The following MAML3 variants were observed in gnomAD, a reference collection of about 807,000 sequenced individuals.
MAML3 encodes mastermind-like protein 3.
MAML3 carries 27 observed loss-of-function variants against 101.9 expected under a neutral mutation model. The observed-to-expected ratio is 0.27, with a 90% CI of 0.20 to 0.37. The LOEUF is 0.37. Ranked by LOEUF, MAML3 falls within the 10% of genes least tolerant of loss-of-function variation. The pLI is 1.00. For synonymous variants in MAML3, 501 were observed against 555.9 expected (o/e 0.90, Z 1.39); for missense variants, 1,316 against 1,444.9 (o/e 0.91, Z 1.45).
At chr4:140,136,829 A>C (rs1320174405) in intron 1 of MAML3, among the ~76,000 whole-genome samples, 10 of 152,196 alleles carry the variant, frequency 6.6e-5, no homozygotes, top group Non-Finnish European at 8.8e-5. Flanking sequence ...AAAAATGATA[A>C]ACAATGATGC....
intron 2 of MAML3, among the ~76,000 whole-genome samples, chr4:139,865,874 T>C (rs1182816185): frequency 6.6e-6 from 1 of 152,268 alleles, no homozygotes; most frequent in African/African-American, 2.4e-5. Flanking sequence ...ATTCTTTGGA[T>C]ACCCGGAGCC....
intron 1 of MAML3, among the ~76,000 whole-genome samples, chr4:140,083,940 A>ACG (rs1578676295): frequency 4.7e-5 from 1 of 21,338 alleles, no homozygotes; most frequent in East Asian, 2.2e-3. Context: ...GCGCACACAC[A>ACG]CACACACACA....
chr4:139,719,520 T>G lies in MAML3; in HGVS notation c.3220A>C (p.Ser1074Arg). ...PPAQQQIPSG[S>R]FAPSSQSQAY... ...TGGCTCTGGCTGCTTGGAGCAAAGCTGCCACTGGGTATCTGCTGCTGTGCT... is the reference window on the plus strand; with the variant it reads ...TGGCTCTGGCTGCTTGGAGCAAAGCGGCCACTGGGTATCTGCTGCTGTGCT... The change falls in exon 5 of 5, where the codon AGC becomes CGC. Residue 1074 changes from serine (S) to arginine (R), a missense_variant. Ser to Arg is a moderately radical substitution (Grantham distance 110). Transcript: ENST00000509479. 6.2e-7 allele frequency: 1 copy of G among 1,613,958 alleles called. No homozygotes were observed. The highest frequency in any genetic ancestry group is 8.5e-7 in the Non-Finnish European group (1 of 1,179,838).
chr4:139,730,011 T>C (rs1728636692), intron 3 of MAML3, among the ~76,000 whole-genome samples: 1 of 152,222 alleles, frequency 6.6e-6, no homozygotes, highest in Non-Finnish European at 1.5e-5. Context: ...GTCAATTTCC[T>C]CTAAGAAACA....
At chr4:140,088,521 A>G (rs1379518362) in intron 1 of MAML3, among the ~76,000 whole-genome samples, 1 of 152,128 alleles carries the variant, frequency 6.6e-6, no homozygotes, top group African/African-American at 2.4e-5. Flanking sequence ...TGCCCAGACT[A>G]GCAAACTCAT....
chr4:139,733,726 C>G (rs1249637446), intron 2 of MAML3, among the ~76,000 whole-genome samples: 1 of 152,118 alleles, frequency 6.6e-6, no homozygotes, highest in African/African-American at 2.4e-5. Context: ...ACTCCGTTGC[C>G]CAGGCTGGGG....
At chr4:139,800,896 GC>G (rs1240595418) in intron 2 of MAML3, among the ~76,000 whole-genome samples, 1 of 152,202 alleles carries the variant, frequency 6.6e-6, no homozygotes, top group African/African-American at 2.4e-5. Flanking sequence ...GATGTTTCTG[GC>G]CCTTATTTGC....
chr4:139,890,994 A>G lies in MAML3; in HGVS notation c.469-27T>C, dbSNP rs746458054. On this transcript the variant is annotated intron_variant, in intron 1 of 4. Transcript: ENST00000509479. This position sits in a 1 kb window ranked among gnomAD's most constrained non-coding sequence, Gnocchi z 4.1. ...TGGAAAAGAAACAGGAAAGAGGATGACTAAACCTCCAAGTCATATTTTACT... is the reference window on the plus strand; with the variant it reads ...TGGAAAAGAAACAGGAAAGAGGATGGCTAAACCTCCAAGTCATATTTTACT... 6.3e-7 allele frequency: 1 copy of G among 1,596,156 alleles called. No homozygotes were observed. The highest frequency in any genetic ancestry group is 8.5e-7 in the Non-Finnish European group (1 of 1,170,058).
chr4:140,118,609 C>T (rs1728553494), intron 1 of MAML3, among the ~76,000 whole-genome samples: 2 of 152,104 alleles, frequency 1.3e-5, no homozygotes, highest in African/African-American at 4.8e-5. Flanking sequence ...CTTTGGGAGG[C>T]GAAGGCAGGA....
chr4:140,107,600 G>T (rs1728373698), intron 1 of MAML3, among the ~76,000 whole-genome samples: 1 of 151,318 alleles, frequency 6.6e-6, no homozygotes, highest in African/African-American at 2.4e-5. Flanking sequence ...CGCCTCTCGA[G>T]TTCAAGCGAT....
intron 1 of MAML3, among the ~76,000 whole-genome samples, chr4:139,912,611 C>T (rs550660129): frequency 6.6e-6 from 1 of 152,198 alleles, no homozygotes; most frequent in African/African-American, 2.4e-5. Flanking sequence ...TGGAGTAGAA[C>T]AGGCAAAACC....
At chr4:139,982,175 A>G (rs1357240590) in intron 1 of MAML3, among the ~76,000 whole-genome samples, 1 of 152,180 alleles carries the variant, frequency 6.6e-6, no homozygotes, top group African/African-American at 2.4e-5. Flanking sequence ...TCATTTATTT[A>G]TACCAGTATA....
intron 1 of MAML3, among the ~76,000 whole-genome samples, chr4:140,019,379 C>G (rs1726697560): frequency 2.0e-5 from 3 of 152,268 alleles, no homozygotes; most frequent in Admixed American, 2.0e-4. Context: ...CCACTAGACC[C>G]AAAGCTCTTT....
chr4:139,984,441 C>CCT (rs34581718), intron 1 of MAML3, among the ~76,000 whole-genome samples: 41,909 of 151,922 alleles, frequency 0.28, 6,290 homozygotes, highest in Non-Finnish European at 0.34. Flanking sequence ...TTTCTGTGTT[C>CCT]CTTGCTTTGT....
rs540869230 is a variant in MAML3 at position 139,911,635 on chromosome 4, T to C, written c.469-20668A>G. On this transcript the variant is annotated intron_variant, in intron 1 of 4. Coordinates refer to ENST00000509479, the MANE Select transcript of MAML3 (RefSeq NM_018717.5). ...CTAACCCCCAAGGTGAGGGTATTAATATTAGGTAGGAGGTGCAGCCTTTGG... is the reference window on the plus strand; with the variant it reads ...CTAACCCCCAAGGTGAGGGTATTAACATTAGGTAGGAGGTGCAGCCTTTGG... Among the ~76,000 whole-genome samples the C allele has an allele frequency of 8.5e-5, 13 of 152,304 alleles. No individual in the cohort carries two copies. The South Asian group carries it at 2.7e-3, about 32-fold the overall frequency.
chr4:139,762,829 T>G (rs1729783282), intron 2 of MAML3, among the ~76,000 whole-genome samples: 1 of 152,140 alleles, frequency 6.6e-6, no homozygotes, highest in Non-Finnish European at 1.5e-5. Flanking sequence ...GGGGCTTTAA[T>G]CTGGTGGGGT....
At chr4:139,903,731 TAGTC>T (rs1219676067) in intron 1 of MAML3, among the ~76,000 whole-genome samples, 2 of 152,228 alleles carry the variant, frequency 1.3e-5, no homozygotes, top group East Asian at 1.9e-4. Context: ...ATGCCAATCT[TAGTC>T]TGTTTGTGCT....
At chr4:139,984,725 C>T (rs1734506805) in intron 1 of MAML3, among the ~76,000 whole-genome samples, 1 of 152,240 alleles carries the variant, frequency 6.6e-6, no homozygotes, top group Non-Finnish European at 1.5e-5. Flanking sequence ...TTTTATGCTT[C>T]AGTCTTGAGA....
chr4:139,795,677 A>G (rs1377390750), intron 2 of MAML3, among the ~76,000 whole-genome samples: 1 of 152,212 alleles, frequency 6.6e-6, no homozygotes, highest in Non-Finnish European at 1.5e-5. Flanking sequence ...TCCCTACCAC[A>G]GAGATGCAGT....
Sources: gnomAD v4.1 joint callset for allele counts (sites outside exome capture counted in the v4.1 genomes callset) on GRCh38, gnomAD v4.1.1 for gene constraint, Gnocchi (gnomAD v3.1) non-coding constraint, MANE v1.5 for transcripts, NCBI Gene and HGNC (gene_info 2026-07-23, HGNC 2026-07-21) for gene names.